Variants in GPC5 observed in about 807,000 individuals in gnomAD.
The protein encoded by GPC5 is glypican-5.
Under a neutral mutation model 53.9 loss-of-function variants are expected in GPC5, and 47 were observed. The ratio of observed to expected loss-of-function variants is 0.87; its 90% CI spans 0.69 to 1.11. The LOEUF (loss-of-function observed/expected upper bound fraction) is 1.11, where lower values mean the gene tolerates loss of function less well. GPC5 is among the 50% of genes most tolerant of loss of function. GPC5 has a pLI of 0.00. For synonymous variants in GPC5, 286 were observed against 263.3 expected, an observed-to-expected ratio of 1.09 and a Z score of -0.84; for missense variants, 748 against 713.1, an observed-to-expected ratio of 1.05 and a Z score of -0.56.
At chr13:92,006,805 C>T (rs1447932720) in intron 6 of GPC5, among the ~76,000 whole-genome samples, 2 of 151,952 alleles carry the variant, frequency 1.3e-5, no homozygotes, top group Non-Finnish European at 2.9e-5. Context: ...TATTCTTTGC[C>T]TAATTTTGTG....
chr13:91,512,699 G>T (rs1402564730), intron 2 of GPC5, among the ~76,000 whole-genome samples: 1 of 152,156 alleles, frequency 6.6e-6, no homozygotes, highest in Non-Finnish European at 1.5e-5. Context: ...GCTGTTAAAG[G>T]TATGCTGAAA....
intron 6 of GPC5, among the ~76,000 whole-genome samples, chr13:91,991,250 C>G (rs569419262): frequency 6.6e-6 from 1 of 152,266 alleles, no homozygotes; most frequent in South Asian, 2.1e-4. Context: ...GCAGTTTCCT[C>G]GTCTCTAAAG....
intron 7 of GPC5, among the ~76,000 whole-genome samples, chr13:92,410,202 A>T (rs781120799): frequency 6.6e-6 from 1 of 152,202 alleles, no homozygotes; most frequent in Non-Finnish European, 1.5e-5. Context: ...TGTATTGTGT[A>T]GTTGACCTGA....
At chr13:91,558,559 C>T (rs1042772447) in intron 2 of GPC5, among the ~76,000 whole-genome samples, 1 of 152,042 alleles carries the variant, frequency 6.6e-6, no homozygotes, top group Non-Finnish European at 1.5e-5. Flanking sequence ...CAGTGTGATC[C>T]TCTGTGCTTG....
intron 7 of GPC5, among the ~76,000 whole-genome samples, chr13:92,396,391 T>C (rs1184577377): frequency 6.6e-6 from 1 of 152,184 alleles, no homozygotes; most frequent in African/African-American, 2.4e-5. Context: ...CATGTTTGCT[T>C]TTTTCATTAG....
chr13:92,137,431 A>T (rs2041793357), intron 6 of GPC5, among the ~76,000 whole-genome samples: 1 of 152,056 alleles, frequency 6.6e-6, no homozygotes, highest in Non-Finnish European at 1.5e-5. Flanking sequence ...AGTTAATGTT[A>T]CTCCCATATG....
At chr13:92,678,882 T>G (rs1330022609) in intron 7 of GPC5, among the ~76,000 whole-genome samples, 2 of 152,144 alleles carry the variant, frequency 1.3e-5, no homozygotes, top group African/African-American at 4.8e-5. Context: ...TGGTCATATT[T>G]TGAAAATATT....
rs556222508 is a variant in GPC5 at position 92,349,433 on chromosome 13, C to T, written c.1561+204444C>T. ...GTGCTAGGATTACAGGTGTTAGCCC[C>T]GCACCCAGCCAGGTTTTTTCTTTTT... On this transcript the variant is annotated intron_variant, in intron 7 of 7. Transcript: ENST00000377067. Among the ~76,000 whole-genome samples, 14 of 150,048 alleles carry T rather than the reference C, an allele frequency of 9.3e-5. No individual in the cohort carries two copies. In the East Asian group the frequency reaches 1.4e-3, roughly 15 times the overall value.
chr13:91,557,003 C>T (rs1009762464), intron 2 of GPC5, among the ~76,000 whole-genome samples: 2 of 152,010 alleles, frequency 1.3e-5, no homozygotes, highest in Admixed American at 6.6e-5. Flanking sequence ...AAGAAAGCTG[C>T]TATGATCGTT....
chr13:91,946,249 T>C (rs2039973683), intron 6 of GPC5, among the ~76,000 whole-genome samples: 1 of 152,140 alleles, frequency 6.6e-6, no homozygotes, highest in South Asian at 2.1e-4. Context: ...TACTGTTTTG[T>C]GGGGATTTTT....
At chr13:92,830,912 C>T (rs1295234556) in intron 7 of GPC5, among the ~76,000 whole-genome samples, 1 of 152,054 alleles carries the variant, frequency 6.6e-6, no homozygotes, top group Admixed American at 6.6e-5. Flanking sequence ...GAAAAACTGC[C>T]TATTTATTTT....
At chr13:92,684,029 G>C (rs575703972) in intron 7 of GPC5, among the ~76,000 whole-genome samples, 2 of 152,048 alleles carry the variant, frequency 1.3e-5, no homozygotes, top group African/African-American at 4.8e-5. Flanking sequence ...CAGAATAATA[G>C]TTTAACTGCC....
intron 7 of GPC5, among the ~76,000 whole-genome samples, chr13:92,746,955 C>T (rs1889255429): frequency 6.6e-6 from 1 of 152,082 alleles, no homozygotes; most frequent in African/African-American, 2.4e-5. Context: ...TATGGTATAG[C>T]TTATTCCTCC....
At chr13:92,302,061 T>A (rs2043079204) in intron 7 of GPC5, among the ~76,000 whole-genome samples, 1 of 152,180 alleles carries the variant, frequency 6.6e-6, no homozygotes, top group African/African-American at 2.4e-5. Flanking sequence ...GCCAGTTGAA[T>A]ATATATAATG....
Position 92,854,213 on chromosome 13 carries a change from T to TTA in GPC5, c.1562-12061_1562-12060dup, listed in dbSNP as rs539688647. 6.5e-3 allele frequency among the ~76,000 whole-genome samples: 960 copies of TTA among 148,022 alleles called. 13 individuals are homozygous for TTA. The highest frequency in any genetic ancestry group is 0.022 in the African/African-American group (909 of 40,830). ...TAGTGATGGTATAGAGATATATATA[T>TTA]TATATATATGTTATTCAATAAATAT... On this transcript the variant is annotated intron_variant, in intron 7 of 7. Coordinates refer to ENST00000377067, the MANE Select transcript of GPC5 (RefSeq NM_004466.6).
Position 92,031,908 on chromosome 13 carries a change from T to C in GPC5, c.1402-112922T>C, listed in dbSNP as rs1167720498. 2.6e-5 allele frequency among the ~76,000 whole-genome samples: 3 copies of C among 114,838 alleles called. No homozygotes were observed. In the Admixed American group the frequency reaches 4.0e-4, roughly 15 times the overall value. 75.3% of individuals were successfully genotyped at this position (114,838 alleles called of 152,430 possible). A position where few individuals can be genotyped will look rare whatever the true frequency, so the allele number is the denominator to read the frequency against. The stretch of plus-strand genomic sequence containing the variant: ...TTTATATATTATATTTTATATATTA[T>C]ATATTATAAATATATGTATTTTATA... On this transcript the variant is annotated intron_variant, in intron 6 of 7. Transcript: ENST00000377067.
intron 6 of GPC5, among the ~76,000 whole-genome samples, chr13:92,030,212 A>T (rs1422762121): frequency 6.6e-6 from 1 of 152,080 alleles, no homozygotes; most frequent in Non-Finnish European, 1.5e-5. Flanking sequence ...TAACTTTCTG[A>T]CTCTCTGTCC....
intron 5 of GPC5, among the ~76,000 whole-genome samples, chr13:91,903,502 C>T (rs144703198): frequency 0.058 from 8,763 of 152,174 alleles, 350 homozygotes; most frequent in Non-Finnish European, 0.079. Context: ...TGCTCCACAT[C>T]TTTGCCAACA....
chr13:92,609,105 A>T (rs1884350125), intron 7 of GPC5, among the ~76,000 whole-genome samples: 1 of 152,192 alleles, frequency 6.6e-6, no homozygotes, highest in African/African-American at 2.4e-5. Flanking sequence ...TTCTGTGCAT[A>T]AATCTGTGTT....
Sources: allele counts gnomAD v4.1 joint callset (sites outside exome capture counted in the v4.1 genomes callset), GRCh38; gene constraint gnomAD v4.1.1; transcripts MANE v1.5; gene names NCBI Gene and HGNC (gene_info 2026-07-23, HGNC 2026-07-21).